SCTR: variants seen among roughly 807,000 people sequenced by gnomAD.
SCTR encodes the protein secretin receptor.
A neutral mutation model predicts 60.8 loss-of-function variants in SCTR; 56 were observed. The ratio of observed to expected loss-of-function variants is 0.92; its 90% CI spans 0.74 to 1.15. The LOEUF is 1.15. Ranked by LOEUF, SCTR falls within the 50% of genes most tolerant of loss-of-function variation. The pLI, the probability that SCTR is intolerant of heterozygous loss-of-function variation, is 0.00. For missense variants in SCTR, 562 were observed against 550.4 expected, an observed-to-expected ratio of 1.02 and a Z score of -0.21; for synonymous variants, 202 against 217.0, an observed-to-expected ratio of 0.93 and a Z score of 0.61.
chr2:119,465,968 A>C, intron 4 of SCTR, 82 bp from the exon 5 acceptor site: 1 of 953,380 alleles, frequency 1.0e-6, no homozygotes, highest in East Asian at 2.4e-5. Flanking sequence ...CGCTTCAGGC[A>C]GCTTGAACCC....
At chr2:119,448,273 A>G (rs1249110487) in intron 10 of SCTR, among the ~76,000 whole-genome samples, 1 of 152,226 alleles carries the variant, frequency 6.6e-6, no homozygotes, top group Non-Finnish European at 1.5e-5. Context: ...AAACGAACGT[A>G]TTTCTCTTTA....
intron 2 of SCTR, among the ~76,000 whole-genome samples, chr2:119,493,210 G>C (rs1678206087): frequency 6.6e-6 from 1 of 152,180 alleles, no homozygotes; most frequent in Non-Finnish European, 1.5e-5. Flanking sequence ...ATGTTTCAAG[G>C]TTTGTCCATG....
chr2:119,465,490 C>T (rs976066727), intron 5 of SCTR, among the ~76,000 whole-genome samples: 3 of 152,120 alleles, frequency 2.0e-5, no homozygotes, highest in African/African-American at 7.2e-5. Flanking sequence ...AACAGAATCT[C>T]GCTAGTACTA....
chr2:119,498,469 G>C (rs1252841220), intron 1 of SCTR, among the ~76,000 whole-genome samples: 1 of 152,078 alleles, frequency 6.6e-6, no homozygotes, highest in Admixed American at 6.5e-5. Context: ...AATGCGATAG[G>C]TTTTCCTTCT....
At chr2:119,488,822 TA>T (rs1266144931) in intron 2 of SCTR, among the ~76,000 whole-genome samples, 1 of 152,200 alleles carries the variant, frequency 6.6e-6, no homozygotes, top group Non-Finnish European at 1.5e-5. Context: ...TTGATCAGAT[TA>T]TTTTCCCCAC....
chr2:119,482,258 G>C (rs78642961), intron 2 of SCTR, among the ~76,000 whole-genome samples: 1 of 152,192 alleles, frequency 6.6e-6, no homozygotes, highest in African/African-American at 2.4e-5. Flanking sequence ...TGCTGGCCTA[G>C]AGCGGGGCAG....
intron 11 of SCTR, 110 bp downstream of exon 11, chr2:119,446,649 G>T: frequency 4.6e-6 from 5 of 1,087,468 alleles, no homozygotes; most frequent in Non-Finnish European, 6.1e-6. Context: ...TCTTCCCCTG[G>T]GTCTCTGCCA....
intron 7 of SCTR, among the ~76,000 whole-genome samples, chr2:119,458,809 G>A (rs936197643): frequency 2.6e-5 from 4 of 152,082 alleles, no homozygotes; most frequent in Admixed American, 1.3e-4. Context: ...ATGCAGTCTC[G>A]GGCCACCCCA....
At chr2:119,458,229 C>T (rs1404662379) in intron 7 of SCTR, among the ~76,000 whole-genome samples, 1 of 151,870 alleles carries the variant, frequency 6.6e-6, no homozygotes, top group African/African-American at 2.4e-5. Flanking sequence ...TCACTTGAGC[C>T]CAGGACGTTG....
chr2:119,476,898 G>A (rs1677346910), intron 3 of SCTR: 1 of 152,244 alleles, frequency 6.6e-6, no homozygotes, highest in South Asian at 2.1e-4. Flanking sequence ...AATCTCCTGT[G>A]TCCTGAGCTC....
chr2:119,503,158 C>CAAAAAA (rs61479294), intron 1 of SCTR, among the ~76,000 whole-genome samples: 2 of 69,556 alleles, frequency 2.9e-5, no homozygotes, highest in African/African-American at 4.5e-5. Flanking sequence ...GACTCCATCT[C>CAAAAAA]AAAAAAAAAA....
intron 2 of SCTR, chr2:119,479,779 C>A (rs543678268): frequency 1.3e-5 from 2 of 152,172 alleles, no homozygotes; most frequent in Non-Finnish European, 2.9e-5. Flanking sequence ...TTATTGTGAA[C>A]GACTAGTATA....
At chr2:119,475,097 A>C (rs1333171238) in intron 3 of SCTR, among the ~76,000 whole-genome samples, 3 of 150,880 alleles carry the variant, frequency 2.0e-5, no homozygotes, top group African/African-American at 7.3e-5. Flanking sequence ...CCGAGGCATC[A>C]CTCCCCTCTC....
chr2:119,452,994 A>G (rs1683231936), intron 8 of SCTR, among the ~76,000 whole-genome samples: 1 of 152,164 alleles, frequency 6.6e-6, no homozygotes, highest in African/African-American at 2.4e-5. Flanking sequence ...AGTTTCTTCC[A>G]TGGAGCAACA....
In SCTR at chr2:119,508,615, T is replaced by C. The variant is rs373607029; in HGVS notation, c.73-14067A>G. ...GTTGCTCAGGCTGGTTTTGAACTTATGAGGCTCAAGTGACCCTCCTGCCTC... is the reference window on the plus strand; with the variant it reads ...GTTGCTCAGGCTGGTTTTGAACTTACGAGGCTCAAGTGACCCTCCTGCCTC... On this transcript the variant is annotated intron_variant, in intron 1 of 12. Transcript: ENST00000019103. 1.4e-4 allele frequency among the ~76,000 whole-genome samples: 22 copies of C among 152,106 alleles called. No homozygotes were observed. The South Asian group carries it at 4.0e-3, about 27-fold the overall frequency.
At chr2:119,479,982 G>A (rs1379631463) in intron 2 of SCTR, 2 of 152,188 alleles carry the variant, frequency 1.3e-5, no homozygotes, top group Non-Finnish European at 2.9e-5. Context: ...GGGGTGTCAG[G>A]TCTTTTATTG....
chr2:119,453,207 G>T, intron 8 of SCTR, 80 bp downstream of exon 8: 1 of 1,113,514 alleles, frequency 9.0e-7, no homozygotes, highest in Non-Finnish European at 1.4e-6. Flanking sequence ...TTCCTAGATA[G>T]CTCCAAAGAA....
intron 1 of SCTR, among the ~76,000 whole-genome samples, chr2:119,521,014 C>G (rs567688829): frequency 3.3e-5 from 5 of 152,148 alleles, no homozygotes; most frequent in African/African-American, 1.2e-4. Flanking sequence ...TGATCATGGG[C>G]TTCTAGAGGG....
chr2:119,504,578 A>C (rs2104925798), intron 1 of SCTR, among the ~76,000 whole-genome samples: 1 of 152,200 alleles, frequency 6.6e-6, no homozygotes, highest in Non-Finnish European at 1.5e-5. Flanking sequence ...GTGACAAAGT[A>C]AGACTCTGTC....
Sources: gnomAD v4.1 joint callset for allele counts (sites outside exome capture counted in the v4.1 genomes callset) on GRCh38, gnomAD v4.1.1 for gene constraint, MANE v1.5 for transcripts, NCBI Gene and HGNC (gene_info 2026-07-23, HGNC 2026-07-21) for gene names.